The following SPICE1 variants were observed in gnomAD, a reference collection of about 807,000 sequenced individuals.
SPICE1 encodes the protein spindle and centriole-associated protein 1.
In SPICE1, 75 loss-of-function variants were observed where a neutral mutation model predicts 102.7. The ratio of observed to expected loss-of-function variants is 0.73; its 90% CI spans 0.61 to 0.88. The LOEUF is 0.88. Ranked by LOEUF, SPICE1 falls within the 40% of genes least tolerant of loss-of-function variation. The pLI is 0.00. For synonymous variants in SPICE1, 308 were observed against 350.3 expected (o/e 0.88, Z 1.35); for missense variants, 979 against 1,020.1 (o/e 0.96, Z 0.55).
At chr3:113,506,397 A>G in intron 2 of SPICE1, 110 bp downstream of exon 2, 2 of 838,142 alleles carry the variant, frequency 2.4e-6, no homozygotes, top group South Asian at 1.6e-5. Context: ...ATTCCACCCT[A>G]TTACGTGATG....
In SPICE1 at chr3:113,445,362, T is replaced by G; in HGVS notation, c.2515-2A>C. ...GCCTTCTTCATTCTGTTTCTCAATC[T>G]GTTGAACAAAGACACGGAAAAAATT... On this transcript the variant is annotated splice_acceptor_variant, in intron 17 of 17. Coordinates refer to ENST00000295872, the MANE Select transcript of SPICE1 (RefSeq NM_144718.4). LOFTEE classifies it high-confidence loss of function. 6.2e-7 allele frequency: 1 copy of G among 1,612,346 alleles called. No individual in the cohort carries two copies. The highest frequency in any genetic ancestry group is 8.5e-7 in the Non-Finnish European group (1 of 1,179,090).
At chr3:113,452,363 T>C (rs1935674331) in intron 14 of SPICE1, among the ~76,000 whole-genome samples, 1 of 152,234 alleles carries the variant, frequency 6.6e-6, no homozygotes, top group South Asian at 2.1e-4. Flanking sequence ...ATATGTATAT[T>C]AAAGTCTGGC....
intron 17 of SPICE1, among the ~76,000 whole-genome samples, chr3:113,445,894 T>A (rs1298105495): frequency 6.6e-6 from 1 of 152,130 alleles, no homozygotes; most frequent in African/African-American, 2.4e-5. Flanking sequence ...AATGCAAAGA[T>A]TTTCCCAATG....
At chr3:113,445,903 T>C (rs1338587984) in intron 17 of SPICE1, among the ~76,000 whole-genome samples, 1 of 152,170 alleles carries the variant, frequency 6.6e-6, no homozygotes, top group Non-Finnish European at 1.5e-5. Flanking sequence ...ATTTTCCCAA[T>C]GTCAGACACT....
chr3:113,483,941 CAGA>C (rs1421971265), intron 7 of SPICE1, among the ~76,000 whole-genome samples: 2 of 152,150 alleles, frequency 1.3e-5, no homozygotes, highest in Non-Finnish European at 2.9e-5. Flanking sequence ...GGAATAGTTT[CAGA>C]AGGAGTGGTA....
chr3:113,480,821 G>A (rs1051810160), intron 7 of SPICE1, among the ~76,000 whole-genome samples: 3 of 150,952 alleles, frequency 2.0e-5, no homozygotes, highest in African/African-American at 7.3e-5. Context: ...AGGATTACCT[G>A]AGCTGTGATC....
At chr3:113,483,952 G>A (rs1164909527) in intron 7 of SPICE1, among the ~76,000 whole-genome samples, 1 of 152,176 alleles carries the variant, frequency 6.6e-6, no homozygotes, top group East Asian at 1.9e-4. Flanking sequence ...AGAAGGAGTG[G>A]TACCAGCTTC....
Position 113,457,132 on chromosome 3 carries a change from T to C in SPICE1, c.1657+4A>G. ...CTTTCATGTAACTTTAGAAGAAGAC[T>C]TACCGTCCTGAAGAGGAGAGAATTT... On this transcript the variant is annotated splice_donor_region_variant and intron_variant, in intron 13 of 17. Coordinates refer to ENST00000295872, the MANE Select transcript of SPICE1 (RefSeq NM_144718.4). 1 of 1,612,942 alleles carries C rather than the reference T, an allele frequency of 6.2e-7. No individual in the cohort carries two copies. Among genetic ancestry groups the C allele is most frequent in the Non-Finnish European group, 8.5e-7 (1 of 1,179,068 alleles).
At chr3:113,494,890 T>C (rs1190902953) in intron 4 of SPICE1, among the ~76,000 whole-genome samples, 2 of 152,188 alleles carry the variant, frequency 1.3e-5, no homozygotes, top group African/African-American at 4.8e-5. Flanking sequence ...ATGAAAGATA[T>C]GAATCTTTGA....
At position 113,465,636 on chromosome 3, in the gene SPICE1, G is replaced by C; in HGVS notation, c.1287+17C>G. ...TATACCACTGAACACATAAAAATTG[G>C]GATCTCATCTGAGTACCTGTGTAGC... On this transcript the variant is annotated intron_variant, in intron 11 of 17. Transcript: ENST00000295872. The C allele has an allele frequency of 6.2e-7, 1 of 1,603,202 alleles. No homozygotes were observed. The highest frequency in any genetic ancestry group is 1.3e-5 in the African/African-American group (1 of 74,338).
chr3:113,483,237 A>G (rs1261607757), intron 7 of SPICE1, among the ~76,000 whole-genome samples: 1 of 152,052 alleles, frequency 6.6e-6, no homozygotes, highest in Non-Finnish European at 1.5e-5. Flanking sequence ...AATGCTTGTG[A>G]TTTTTGCACA....
intron 4 of SPICE1, among the ~76,000 whole-genome samples, chr3:113,495,772 AG>A (rs1162965374): frequency 6.6e-6 from 1 of 152,250 alleles, no homozygotes; most frequent in Non-Finnish European, 1.5e-5. Context: ...TCACTATACC[AG>A]AAAAATTACA....
At chr3:113,479,345 T>C (rs1200436697) in intron 7 of SPICE1, among the ~76,000 whole-genome samples, 3 of 151,864 alleles carry the variant, frequency 2.0e-5, no homozygotes, top group East Asian at 1.9e-4. Flanking sequence ...ATGGTGTATA[T>C]GTGCCACATT....
chr3:113,508,437 C>A (rs1298411813), intron 1 of SPICE1, among the ~76,000 whole-genome samples: 2 of 151,996 alleles, frequency 1.3e-5, no homozygotes, highest in African/African-American at 4.8e-5. Flanking sequence ...TTTAAAAAAT[C>A]CGATTTAAAA....
chr3:113,495,752 G>A (rs542959675), intron 4 of SPICE1, among the ~76,000 whole-genome samples: 5 of 152,280 alleles, frequency 3.3e-5, no homozygotes, highest in African/African-American at 9.6e-5. Context: ...GAATGAATGA[G>A]TATAATCTTT....
intron 7 of SPICE1, among the ~76,000 whole-genome samples, chr3:113,483,803 A>T (rs1015080272): frequency 6.6e-6 from 1 of 152,198 alleles, no homozygotes; most frequent in Non-Finnish European, 1.5e-5. Flanking sequence ...GGATTTTTGC[A>T]TCGATGTTCA....
intron 7 of SPICE1, among the ~76,000 whole-genome samples, chr3:113,481,352 C>G (rs1936496169): frequency 6.6e-6 from 1 of 151,644 alleles, no homozygotes; most frequent in South Asian, 2.1e-4. Flanking sequence ...AATAAGCAAA[C>G]TCTATATGAG....
chr3:113,467,964 G>A (rs1162952515), intron 10 of SPICE1, among the ~76,000 whole-genome samples, 175 bp downstream of exon 10: 1 of 151,932 alleles, frequency 6.6e-6, no homozygotes, highest in African/African-American at 2.4e-5. Context: ...ATCAACTAAC[G>A]GCAGAAAAGA....
chr3:113,454,114 C>T (rs374774180), intron 13 of SPICE1, among the ~76,000 whole-genome samples, 164 bp from the exon 14 acceptor site: 1 of 152,112 alleles, frequency 6.6e-6, no homozygotes. Flanking sequence ...CCAGCAATGC[C>T]GCCCCTCGTA....
Sources: gnomAD v4.1 joint callset for allele counts (sites outside exome capture counted in the v4.1 genomes callset) on GRCh38, gnomAD v4.1.1 for gene constraint, MANE v1.5 for transcripts, NCBI Gene and HGNC (gene_info 2026-07-23, HGNC 2026-07-21) for gene names.